Variants in CFAP57 observed in about 807,000 individuals in gnomAD.
CFAP57 encodes cilia- and flagella-associated protein 57.
CFAP57 carries 116 observed loss-of-function variants against 146.8 expected under a neutral mutation model. The ratio of observed to expected loss-of-function variants is 0.79; its 90% CI spans 0.68 to 0.92. The LOEUF is 0.92. Ranked by LOEUF, CFAP57 falls within the 40% of genes least tolerant of loss-of-function variation. The pLI, the probability that CFAP57 is intolerant of heterozygous loss-of-function variation, is 0.00. For synonymous variants in CFAP57, 518 were observed against 552.8 expected, an observed-to-expected ratio of 0.94 and a Z score of 0.88; for missense variants, 1,377 against 1,527.2, an observed-to-expected ratio of 0.90 and a Z score of 1.64.
intron 19 of CFAP57, 25 bp downstream of exon 19, chr1:43,232,649 G>A (rs983072707): frequency 6.7e-7 from 1 of 1,487,422 alleles, no homozygotes; most frequent in Non-Finnish European, 9.1e-7. Context: ...GAGTCTGGCA[G>A]TTCTTGGATT....
chr1:43,202,919 A>G (rs1454445255), intron 9 of CFAP57, among the ~76,000 whole-genome samples: 1 of 152,184 alleles, frequency 6.6e-6, no homozygotes, highest in Non-Finnish European at 1.5e-5. Flanking sequence ...CACACCTGTA[A>G]TCCCAGCACT....
At chr1:43,226,890 G>A (rs1645263347) in intron 17 of CFAP57, 93 bp from the exon 18 acceptor site, 2 of 1,364,412 alleles carry the variant, frequency 1.5e-6, no homozygotes, top group African/African-American at 1.5e-5. Context: ...CTTCAACCAG[G>A]AGAGTCACAG....
chr1:43,222,242 C>G lies in CFAP57; in HGVS notation c.2479C>G (p.Leu827Val), dbSNP rs1034244790. The G allele has an allele frequency of 1.9e-5, 29 of 1,488,320 alleles. No homozygotes were observed. The highest frequency in any genetic ancestry group is 7.1e-5 in the African/African-American group (5 of 70,076). The allele number at this position is 1,488,320 out of a possible 1,614,324, so 92.2% of individuals were successfully genotyped here. ...DETKSQALEE[L>V]TEFYEAKLQE... ...GACCAAGAGCCAGGCCCTGGAGGAG[C>G]TGACTGAGTTTTACGAGGCAAAACT... is the stretch of plus-strand genomic sequence containing the variant. The change falls in exon 15 of 23, where the codon CTG becomes GTG. Residue 827 changes from leucine (L) to valine (V), a missense_variant. By Grantham distance (32) the Leu-to-Val change is conservative. Coordinates refer to ENST00000372492, the MANE Select transcript of CFAP57 (RefSeq NM_001378189.1).
intron 21 of CFAP57, among the ~76,000 whole-genome samples, chr1:43,236,913 CA>C (rs5773804): frequency 6.8e-6 from 1 of 146,060 alleles, no homozygotes. Flanking sequence ...CATCCCCCCC[CA>C]AAAAAAAAAG....
intron 16 of CFAP57, among the ~76,000 whole-genome samples, chr1:43,223,427 C>A (rs1198998383): frequency 6.6e-6 from 1 of 152,158 alleles, no homozygotes; most frequent in Admixed American, 6.5e-5. Flanking sequence ...GGCTCCTGTT[C>A]AGCACCACAG....
intron 11 of CFAP57, among the ~76,000 whole-genome samples, chr1:43,213,505 G>GGGA (rs1347453021): frequency 1.0e-5 from 1 of 97,044 alleles, no homozygotes; most frequent in African/African-American, 3.3e-5. Context: ...AATAAATATG[G>GGGA]GGGGGGCGGT....
intron 4 of CFAP57, among the ~76,000 whole-genome samples, chr1:43,184,327 T>G (rs1569866224): frequency 6.6e-6 from 1 of 152,132 alleles, no homozygotes; most frequent in Non-Finnish European, 1.5e-5. Flanking sequence ...TGACAGAGGA[T>G]AGGGGTAAAG....
Position 43,172,762 on chromosome 1 carries a change from C to G in CFAP57, c.9C>G (p.Ala3=), listed in dbSNP as rs1645025689. Residue 3 remains alanine, a synonymous_variant, in exon 2 of 23, where the codon GCC becomes GCG. Transcript: ENST00000372492. MS[A]VVAQTLHVFG... ...CTGTTTGGCGGGAGATCATGTCAGC[C>G]GTGGTAGCTCAGACGCTGCATGTTT... is the stretch of plus-strand genomic sequence containing the variant. The G allele has an allele frequency of 1.2e-6, 2 of 1,613,978 alleles. No homozygotes were observed. Among genetic ancestry groups the G allele is most frequent in the Non-Finnish European group, 8.5e-7 (1 of 1,180,020 alleles).
At chr1:43,203,415 A>G (rs1240800771) in intron 9 of CFAP57, among the ~76,000 whole-genome samples, 1 of 152,138 alleles carries the variant, frequency 6.6e-6, no homozygotes, top group East Asian at 1.9e-4. Flanking sequence ...AGACACCACA[A>G]GAAAAAAAAA....
intron 6 of CFAP57, among the ~76,000 whole-genome samples, chr1:43,187,782 G>C (rs1219700609): frequency 6.6e-6 from 1 of 152,034 alleles, no homozygotes; most frequent in African/African-American, 2.4e-5. Flanking sequence ...TTTTATGACT[G>C]GCTTCTTTGA....
At chr1:43,207,146 T>C (rs1319435732) in intron 10 of CFAP57, among the ~76,000 whole-genome samples, 1 of 152,244 alleles carries the variant, frequency 6.6e-6, no homozygotes, top group Admixed American at 6.5e-5. Flanking sequence ...CTGGGTGAAA[T>C]TGTAAATTGC....
intron 17 of CFAP57, among the ~76,000 whole-genome samples, chr1:43,226,498 C>T (rs1031518654): frequency 6.6e-6 from 1 of 152,214 alleles, no homozygotes; most frequent in Non-Finnish European, 1.5e-5. Context: ...TGCCCTCCCC[C>T]AATGCAGGTG....
chr1:43,191,851 A>G (rs1569946909), intron 6 of CFAP57, among the ~76,000 whole-genome samples: 1 of 149,128 alleles, frequency 6.7e-6, no homozygotes, highest in Middle Eastern at 3.5e-3. Context: ...TTTATTTAAG[A>G]TCTTTCTTTT....
Position 43,254,297 on chromosome 1 carries a change from C to T in CFAP57, c.*106C>T. 1 of 963,872 alleles carries T rather than the reference C, an allele frequency of 1.0e-6. No individual in the cohort carries two copies. The highest frequency in any genetic ancestry group is 1.5e-6 in the Non-Finnish European group (1 of 659,034). The allele number at this position is 963,872 out of a possible 1,614,324, so 59.7% of individuals were successfully genotyped here. A position where few individuals can be genotyped will look rare whatever the true frequency, so the allele number is the denominator to read the frequency against. The stretch of plus-strand genomic sequence containing the variant: ...CTGTATGGTCCCTGCAGCACTGACC[C>T]CAGCAACCTCTTTCTCTTGCCCTGG... On this transcript the variant is annotated 3_prime_UTR_variant, in exon 23 of 23. Transcript: ENST00000372492.
chr1:43,178,274 C>A (rs957354927), intron 2 of CFAP57, among the ~76,000 whole-genome samples: 2 of 152,136 alleles, frequency 1.3e-5, no homozygotes, highest in African/African-American at 4.8e-5. Flanking sequence ...CGACAAAAGC[C>A]AAAATTGACA....
At chr1:43,231,069 C>T (rs1207280943) in intron 18 of CFAP57, among the ~76,000 whole-genome samples, 1 of 152,224 alleles carries the variant, frequency 6.6e-6, no homozygotes. Context: ...TTTCGTGTCC[C>T]TCACTATTGC....
At chr1:43,174,537 G>A (rs12729293) in intron 2 of CFAP57, among the ~76,000 whole-genome samples, 2 of 152,192 alleles carry the variant, frequency 1.3e-5, no homozygotes, top group Non-Finnish European at 2.9e-5. Flanking sequence ...TGGACATCTG[G>A]CCAGGTGTGG....
chr1:43,235,985 A>G (rs1007917770), intron 21 of CFAP57, among the ~76,000 whole-genome samples: 3 of 152,184 alleles, frequency 2.0e-5, no homozygotes, highest in Non-Finnish European at 4.4e-5. Context: ...GAGCGTCAGC[A>G]TGAGGCTGCT....
At chr1:43,172,537 G>A in intron 1 of CFAP57, 84 bp downstream of exon 1, 3 of 1,277,738 alleles carry the variant, frequency 2.3e-6, no homozygotes, top group South Asian at 1.4e-5. Context: ...GAGCCGCGGG[G>A]GTGGGGTGGC....
Sources: allele counts gnomAD v4.1 joint callset (sites outside exome capture counted in the v4.1 genomes callset), GRCh38; gene constraint gnomAD v4.1.1; transcripts MANE v1.5; gene names NCBI Gene and HGNC (gene_info 2026-07-23, HGNC 2026-07-21).